Variants in PCDHB12 observed in about 807,000 individuals in gnomAD.
The protein encoded by PCDHB12 is protocadherin beta 12.
For synonymous variants in PCDHB12, 560 were observed against 445.2 expected, an observed-to-expected ratio of 1.26 and a Z score of -3.24; for missense variants, 1,192 against 998.2, an observed-to-expected ratio of 1.19 and a Z score of -2.62.
In PCDHB12 at chr5:141,208,809, C is replaced by T. The variant is rs1051559277; in HGVS notation, c.-99C>T. ...AACAAGGTTAAAATCTTCAGGCTTC[C>T]GAGGATTTGGTAGACAGATCAGAGG... On this transcript the variant is annotated 5_prime_UTR_variant, in exon 1 of 1. Transcript: ENST00000239450. 5 of 1,079,264 alleles carry T rather than the reference C, an allele frequency of 4.6e-6. No individual in the cohort carries two copies. Among genetic ancestry groups the T allele is most frequent in the African/African-American group, 1.6e-5 (1 of 63,220 alleles). 66.9% of individuals were successfully genotyped at this position (1,079,264 alleles called of 1,614,324 possible). A position where few individuals can be genotyped will look rare whatever the true frequency, so the allele number is the denominator to read the frequency against.
Position 141,210,190 on chromosome 5 carries a change from C to T in PCDHB12, c.1283C>T (p.Thr428Ile), listed in dbSNP as rs782532062. 20 of 1,613,980 alleles carry T rather than the reference C, an allele frequency of 1.2e-5. No individual in the cohort carries two copies. The highest frequency in any genetic ancestry group is 2.2e-5 in the South Asian group (2 of 91,078). Residue 428 changes from threonine to isoleucine, a missense_variant, in exon 1 of 1, where the codon ACC (threonine) becomes ATC (isoleucine). By Grantham distance (89) the Thr-to-Ile change is moderately conservative. Transcript: ENST00000239450. ...ACCATCACCGTCACCGACTTGGGGA[C>T]CCCCAGGCTAAAAACCGAGCACAAC... Reference protein sequence around the residue: ...NITITVTDLGTPRLKTEHNIT... With the variant: ...NITITVTDLGIPRLKTEHNIT...
Position 141,210,927 on chromosome 5 carries a change from C to G in PCDHB12, c.2020C>G (p.Pro674Ala), listed in dbSNP as rs1554287079. The change falls in exon 1 of 1, where the codon CCG becomes GCG. Residue 674 changes from proline to alanine, a missense_variant. Transcript: ENST00000239450. The part of the protein sequence containing the change: ...DGFSQPYLPL[P>A]EAAPAQAQAD... ...CTTCTCCCAGCCCTACCTGCCTCTC[C>G]CGGAGGCGGCCCCGGCCCAGGCCCA... 2 of 1,610,948 alleles carry G rather than the reference C, an allele frequency of 1.2e-6. No homozygotes were observed. Among genetic ancestry groups the G allele is most frequent in the Non-Finnish European group, 1.7e-6 (2 of 1,179,718 alleles).
Position 141,210,349 on chromosome 5 carries a change from G to A in PCDHB12, c.1442G>A (p.Gly481Asp), listed in dbSNP as rs782264985. 11 of 1,612,910 alleles carry A rather than the reference G, an allele frequency of 6.8e-6. No homozygotes were observed. The Admixed American group carries it at 1.3e-4, about 20-fold the overall frequency. ...ATCAGCGCCACAGACAGAGACTCGG[G>A]CACCAACGCCCAGGTCAACTACTCG... ...GSISATDRDSGTNAQVNYSLL... is the reference protein window; with the variant it reads ...GSISATDRDSDTNAQVNYSLL... The change falls in exon 1 of 1, where the codon GGC becomes GAC. Residue 481 changes from glycine (G) to aspartate (D), a missense_variant. Physicochemically the swap from Gly to Asp is moderately conservative, Grantham distance 94 (BLOSUM62 -1). Transcript: ENST00000239450.
Position 141,209,553 on chromosome 5 carries a change from G to T in PCDHB12, c.646G>T (p.Asp216Tyr). The change falls in exon 1 of 1, where the codon GAT (aspartate) becomes TAT (tyrosine). Residue 216 changes from aspartate to tyrosine, a missense_variant. Physicochemically the swap from Asp to Tyr is radical, Grantham distance 160. Coordinates refer to ENST00000239450, the MANE Select transcript of PCDHB12 (RefSeq NM_018932.4). ...PELSFILTALDGGSPPRSGTA... is the reference protein window; with the variant it reads ...PELSFILTALYGGSPPRSGTA... Reference sequence around the variant, plus strand: ...GCTCAGTTTCATCCTCACTGCTCTGGATGGCGGGTCCCCTCCCAGGTCTGG... The same window carrying T: ...GCTCAGTTTCATCCTCACTGCTCTGTATGGCGGGTCCCCTCCCAGGTCTGG... 1 of 1,614,176 alleles carries T rather than the reference G, an allele frequency of 6.2e-7. No homozygotes were observed. The highest frequency in any genetic ancestry group is 8.5e-7 in the Non-Finnish European group (1 of 1,180,046).
chr5:141,208,885 T>A lies in PCDHB12; in HGVS notation c.-23T>A. ...CGCTGAGGCAATTCTGCAAGAAGAT[T>A]TTGGGGTTTTGGAAAAGAAGCTATG... On this transcript the variant is annotated 5_prime_UTR_variant, in exon 1 of 1. Transcript: ENST00000239450. 1 of 1,508,706 alleles carries A rather than the reference T, an allele frequency of 6.6e-7. No homozygotes were observed. Among genetic ancestry groups the A allele is most frequent in the Non-Finnish European group, 8.8e-7 (1 of 1,131,050 alleles). The allele number at this position is 1,508,706 out of a possible 1,614,324, so 93.5% of individuals were successfully genotyped here.
Position 141,211,011 on chromosome 5 carries a change from C to G in PCDHB12, c.2104C>G (p.Leu702Val), listed in dbSNP as rs781893122. 1.2e-5 allele frequency: 19 copies of G among 1,611,760 alleles called. No individual in the cohort carries two copies. The highest frequency in any genetic ancestry group is 6.7e-5 in the Admixed American group (4 of 59,996). The change falls in exon 1 of 1, where the codon CTC (leucine) becomes GTC (valine). Residue 702 changes from leucine to valine, a missense_variant. By Grantham distance (32) the Leu-to-Val change is conservative (BLOSUM62 1). Transcript: ENST00000239450. ...VALASVSSLF[L>V]FSVLLFVAVR... is the part of the protein sequence containing the mutation. ...GTTGGCCTCAGTGTCGTCGCTCTTC[C>G]TCTTCTCGGTGCTCCTGTTCGTGGC...
At position 141,210,940 on chromosome 5, in the gene PCDHB12, C is replaced by G. The variant is rs782641715; in HGVS notation, c.2033C>G (p.Pro678Arg). 9 of 1,611,486 alleles carry G rather than the reference C, an allele frequency of 5.6e-6. No homozygotes were observed. Among genetic ancestry groups the G allele is most frequent in the Non-Finnish European group, 7.6e-6 (9 of 1,179,746 alleles). ...TACCTGCCTCTCCCGGAGGCGGCCC[C>G]GGCCCAGGCCCAGGCCGACTCGCTC... is the stretch of plus-strand genomic sequence containing the variant. The part of the protein sequence containing the change: ...QPYLPLPEAA[P>R]AQAQADSLTV... The change falls in exon 1 of 1, where the codon CCG becomes CGG. Residue 678 changes from proline (P) to arginine (R), a missense_variant. Coordinates refer to ENST00000239450, the MANE Select transcript of PCDHB12 (RefSeq NM_018932.4).
rs782039623 is a variant in PCDHB12 at position 141,210,354 on chromosome 5, A to C, written c.1447A>C (p.Asn483His). The C allele has an allele frequency of 1.2e-6, 2 of 1,612,986 alleles. No homozygotes were observed. The highest frequency in any genetic ancestry group is 1.7e-6 in the Non-Finnish European group (2 of 1,180,010). Residue 483 changes from asparagine (N) to histidine (H), a missense_variant, in exon 1 of 1, where the codon AAC (asparagine) becomes CAC (histidine). Asn to His is a moderately conservative substitution (Grantham distance 68). Coordinates refer to ENST00000239450, the MANE Select transcript of PCDHB12 (RefSeq NM_018932.4). The stretch of plus-strand genomic sequence containing the variant: ...CGCCACAGACAGAGACTCGGGCACC[A>C]ACGCCCAGGTCAACTACTCGCTGCT... Reference protein sequence around the residue: ...ISATDRDSGTNAQVNYSLLPS... With the variant: ...ISATDRDSGTHAQVNYSLLPS...
rs782634328 is a variant in PCDHB12 at position 141,210,116 on chromosome 5, G to A, written c.1209G>A (p.Leu403=). The A allele has an allele frequency of 1.2e-5, 20 of 1,614,034 alleles. No individual in the cohort carries two copies. The highest frequency in any genetic ancestry group is 1.6e-5 in the Non-Finnish European group (19 of 1,180,040). The change falls in exon 1 of 1, where the codon TTG becomes TTA. Residue 403 remains leucine, a synonymous_variant. Transcript: ENST00000239450. ...LKSSVNNYYT[L]ETERPLDRES... Reference sequence around the variant, plus strand: ...CTTCGGTAAATAATTACTACACTTTGGAAACAGAGAGACCGCTGGACAGAG... The same window carrying A: ...CTTCGGTAAATAATTACTACACTTTAGAAACAGAGAGACCGCTGGACAGAG...
At position 141,211,355 on chromosome 5, in the gene PCDHB12, G is replaced by T; in HGVS notation, c.*60G>T. ...ACATTTATAATTAGGAACTTATCGT[G>T]AGGTGCCTGTAAAGTAGTATTTTTG... is the stretch of plus-strand genomic sequence containing the variant. On this transcript the variant is annotated 3_prime_UTR_variant, in exon 1 of 1. Transcript: ENST00000239450. 1 of 1,478,244 alleles carries T rather than the reference G, an allele frequency of 6.8e-7. No homozygotes were observed. Among genetic ancestry groups the T allele is most frequent in the South Asian group, 1.3e-5 (1 of 77,864 alleles). 91.6% of individuals were successfully genotyped at this position (1,478,244 alleles called of 1,614,324 possible).
rs1366679650 is a variant in PCDHB12, at chr5:141,211,099, C to G, written c.2192C>G (p.Pro731Arg). 6.2e-7 allele frequency: 1 copy of G among 1,613,916 alleles called. No homozygotes were observed. The highest frequency in any genetic ancestry group is 2.2e-5 in the East Asian group (1 of 44,880). Reference sequence around the variant, plus strand: ...GGTCGCTGCTCGGTGCCTGAGGGCCCCTTTCCAGGACATCTGGTGGACGTG... The same window carrying G: ...GGTCGCTGCTCGGTGCCTGAGGGCCGCTTTCCAGGACATCTGGTGGACGTG... ...PVGRCSVPEG[P>R]FPGHLVDVSG... Residue 731 changes from proline to arginine, a missense_variant, in exon 1 of 1, where the codon CCC becomes CGC. Physicochemically the swap from Pro to Arg is moderately radical, Grantham distance 103. Coordinates refer to ENST00000239450, the MANE Select transcript of PCDHB12 (RefSeq NM_018932.4).
chr5:141,212,197 G>T lies in PCDHB12; in HGVS notation c.*902G>T, dbSNP rs1383402359. The T allele has an allele frequency of 3.0e-5, 5 of 166,664 alleles. No individual in the cohort carries two copies. The highest frequency in any genetic ancestry group is 4.8e-5 in the African/African-American group (2 of 41,408). 10.3% of individuals were successfully genotyped at this position (166,664 alleles called of 1,614,324 possible). ...AGAAAAGATTAATGGTCCTGATTAG[G>T]AATAGTACATAATTTTGATGGCATT... is the stretch of plus-strand genomic sequence containing the variant. On this transcript the variant is annotated 3_prime_UTR_variant, in exon 1 of 1. Transcript: ENST00000239450.
chr5:141,210,042 G>C lies in PCDHB12; in HGVS notation c.1135G>C (p.Gly379Arg), dbSNP rs143078709. ...RIRDRDSGDN[G>R]KMVCSIPEDI... is the part of the protein sequence containing the mutation. ...ACGAGACAGAGACTCTGGGGACAACGGAAAGATGGTTTGTTCTATCCCGGA... is the reference window on the plus strand; with the variant it reads ...ACGAGACAGAGACTCTGGGGACAACCGAAAGATGGTTTGTTCTATCCCGGA... The change falls in exon 1 of 1, where the codon GGA becomes CGA. Residue 379 changes from glycine (G) to arginine (R), a missense_variant. By Grantham distance (125) the Gly-to-Arg change is moderately radical. Coordinates refer to ENST00000239450, the MANE Select transcript of PCDHB12 (RefSeq NM_018932.4). 3.6e-4 allele frequency: 584 copies of C among 1,614,132 alleles called. 1 individual carries two copies. The highest frequency in any genetic ancestry group is 3.3e-3 in the Middle Eastern group (20 of 6,060).
chr5:141,211,340 T>C lies in PCDHB12; in HGVS notation c.*45T>C. The stretch of plus-strand genomic sequence containing the variant: ...CCTGTGTTTATGAATACATTTATAA[T>C]TAGGAACTTATCGTGAGGTGCCTGT... On this transcript the variant is annotated 3_prime_UTR_variant, in exon 1 of 1. Coordinates refer to ENST00000239450, the MANE Select transcript of PCDHB12 (RefSeq NM_018932.4). 1 of 1,538,124 alleles carries C rather than the reference T, an allele frequency of 6.5e-7. No individual in the cohort carries two copies. The highest frequency in any genetic ancestry group is 8.8e-7 in the Non-Finnish European group (1 of 1,139,624).
Position 141,210,810 on chromosome 5 carries a change from G to A in PCDHB12, c.1903G>A (p.Ala635Thr), listed in dbSNP as rs373006083. The A allele has an allele frequency of 1.3e-6, 2 of 1,599,872 alleles. No homozygotes were observed. Among genetic ancestry groups the A allele is most frequent in the African/African-American group, 2.7e-5 (2 of 74,770 alleles). ...CGCCAGGCTGCTGAGCGAGCGCGACGCGGCCAAGCACAGGCTGGTGGTGCT... is the reference window on the plus strand; with the variant it reads ...CGCCAGGCTGCTGAGCGAGCGCGACACGGCCAAGCACAGGCTGGTGGTGCT... The part of the protein sequence containing the change: ...RTARLLSERD[A>T]AKHRLVVLVK... Residue 635 changes from alanine to threonine, a missense_variant, in exon 1 of 1, where the codon GCG becomes ACG. By Grantham distance (58) the Ala-to-Thr change is moderately conservative. Transcript: ENST00000239450.
chr5:141,209,208 C>T lies in PCDHB12; in HGVS notation c.301C>T (p.Pro101Ser). Reference protein sequence around the residue: ...DREELCGSNEPCVLYFQVLMK... With the variant: ...DREELCGSNESCVLYFQVLMK... ...GGAGGAGCTCTGTGGCTCCAATGAG[C>T]CTTGTGTGCTGTATTTCCAAGTGTT... Residue 101 changes from proline (P) to serine (S), a missense_variant, in exon 1 of 1, where the codon CCT becomes TCT. Physicochemically the swap from Pro to Ser is moderately conservative, Grantham distance 74. Coordinates refer to ENST00000239450, the MANE Select transcript of PCDHB12 (RefSeq NM_018932.4). The T allele has an allele frequency of 6.2e-7, 1 of 1,614,132 alleles. No individual in the cohort carries two copies. Among genetic ancestry groups the T allele is most frequent in the Non-Finnish European group, 8.5e-7 (1 of 1,180,028 alleles).
rs782632082 is a variant in PCDHB12, at chr5:141,210,348, G to C, written c.1441G>C (p.Gly481Arg). The C allele has an allele frequency of 1.9e-6, 3 of 1,613,036 alleles. No homozygotes were observed. The highest frequency in any genetic ancestry group is 1.1e-5 in the South Asian group (1 of 91,022). ...CATCAGCGCCACAGACAGAGACTCG[G>C]GCACCAACGCCCAGGTCAACTACTC... ...GSISATDRDSGTNAQVNYSLL... is the reference protein window; with the variant it reads ...GSISATDRDSRTNAQVNYSLL... The change falls in exon 1 of 1, where the codon GGC becomes CGC. Residue 481 changes from glycine to arginine, a missense_variant. Physicochemically the swap from Gly to Arg is moderately radical, Grantham distance 125. Coordinates refer to ENST00000239450, the MANE Select transcript of PCDHB12 (RefSeq NM_018932.4).
Position 141,209,335 on chromosome 5 carries a change from C to T in PCDHB12, c.428C>T (p.Pro143Leu). 6.2e-7 allele frequency: 1 copy of T among 1,614,182 alleles called. No homozygotes were observed. The highest frequency in any genetic ancestry group is 8.5e-7 in the Non-Finnish European group (1 of 1,180,036). ...GAAAAAGAAATGCTCTTAGAAATCC[C>T]AGAGAACAGTCCTGTTGGTGCTGTG... ...FLEKEMLLEI[P>L]ENSPVGAVFL... is the part of the protein sequence containing the mutation. Residue 143 changes from proline (P) to leucine (L), a missense_variant, in exon 1 of 1, where the codon CCA (proline) becomes CTA (leucine). Physicochemically the swap from Pro to Leu is moderately conservative, Grantham distance 98. Coordinates refer to ENST00000239450, the MANE Select transcript of PCDHB12 (RefSeq NM_018932.4).
chr5:141,208,930 C>T lies in PCDHB12; in HGVS notation c.23C>T (p.Thr8Ile), dbSNP rs73791825. 2 of 1,529,824 alleles carry T rather than the reference C, an allele frequency of 1.3e-6. No homozygotes were observed. Among genetic ancestry groups the T allele is most frequent in the Non-Finnish European group, 1.8e-6 (2 of 1,142,418 alleles). The allele number at this position is 1,529,824 out of a possible 1,614,324, so 94.8% of individuals were successfully genotyped here. Reference protein sequence around the residue: MENGGAGTLQIRQVLLFF... With the variant: MENGGAGILQIRQVLLFF... ...GCTATGGAAAACGGAGGGGCAGGCA[C>T]TCTGCAGATAAGGCAAGTCCTGCTT... The change falls in exon 1 of 1, where the codon ACT becomes ATT. Residue 8 changes from threonine (T) to isoleucine (I), a missense_variant. Coordinates refer to ENST00000239450, the MANE Select transcript of PCDHB12 (RefSeq NM_018932.4).
Sources: gnomAD v4.1 joint callset for allele counts on GRCh38, gnomAD v4.1.1 for gene constraint, MANE v1.5 for transcripts, NCBI Gene and HGNC (gene_info 2026-07-23, HGNC 2026-07-21) for gene names.